The following FGF14 variants were observed in gnomAD, a reference collection of about 807,000 sequenced individuals.
FGF14 encodes the protein fibroblast growth factor 14, also known as fibroblast growth factor homologous factor 4.
Under a neutral mutation model 25.5 loss-of-function variants are expected in FGF14, and 5 were observed. The observed-to-expected ratio is 0.20, with a 90% CI of 0.10 to 0.41. The LOEUF is 0.41. Ranked by LOEUF, FGF14 falls within the 10% of genes least tolerant of loss-of-function variation. The pLI is 1.00. For synonymous variants in FGF14, 138 were observed against 118.3 expected, an observed-to-expected ratio of 1.17 and a Z score of -1.08; for missense variants, 222 against 320.1, an observed-to-expected ratio of 0.69 and a Z score of 2.34.
chr13:102,009,517 G>C (rs2039974301), intron 1 of FGF14, among the ~76,000 whole-genome samples: 1 of 151,828 alleles, frequency 6.6e-6, no homozygotes, highest in Non-Finnish European at 1.5e-5. Flanking sequence ...TATGATTTTG[G>C]AAATAAAAAG....
chr13:102,313,926 C>T (rs1032886588), intron 1 of FGF14, among the ~76,000 whole-genome samples: 3 of 152,212 alleles, frequency 2.0e-5, no homozygotes, highest in East Asian at 1.9e-4. Flanking sequence ...AACTACCAAA[C>T]GTGTTTTCCA....
intron 1 of FGF14, among the ~76,000 whole-genome samples, chr13:102,262,161 C>A (rs866338498): frequency 6.6e-6 from 1 of 152,068 alleles, no homozygotes; most frequent in Non-Finnish European, 1.5e-5. Flanking sequence ...AATACTTGTA[C>A]ATTTTTACTC....
intron 3 of FGF14, among the ~76,000 whole-genome samples, chr13:101,818,218 G>A (rs995436199): frequency 6.6e-6 from 1 of 152,110 alleles, no homozygotes; most frequent in African/African-American, 2.4e-5. Context: ...ATTCATTTTT[G>A]CTTCTCTTGT....
chr13:101,995,166 T>C (rs187310885), intron 1 of FGF14, among the ~76,000 whole-genome samples: 6 of 152,244 alleles, frequency 3.9e-5, no homozygotes, highest in Non-Finnish European at 8.8e-5. Context: ...TGAAGAGCAG[T>C]AATTTTCTAA....
intron 1 of FGF14, among the ~76,000 whole-genome samples, chr13:101,984,133 GTAAAGTAACTGC>G (rs547881547): frequency 5.5e-4 from 83 of 152,178 alleles, no homozygotes; most frequent in African/African-American, 1.9e-3. Flanking sequence ...GATGATGTAG[GTAAAGTAACTGC>G]TATGGAATAT....
chr13:101,867,298 A>T (rs1178726319), intron 3 of FGF14, among the ~76,000 whole-genome samples: 2 of 152,156 alleles, frequency 1.3e-5, no homozygotes, highest in Non-Finnish European at 2.9e-5. Flanking sequence ...AATGGCATAC[A>T]TTTACAACCA....
intron 1 of FGF14, among the ~76,000 whole-genome samples, chr13:101,913,494 A>G (rs2033161202): frequency 9.4e-6 from 1 of 106,262 alleles, no homozygotes; most frequent in Non-Finnish European, 1.7e-5. Context: ...ACTACTTAAT[A>G]AAGGATTTTT....
chr13:101,945,832 G>C (rs1020464173), intron 1 of FGF14, among the ~76,000 whole-genome samples: 1 of 152,122 alleles, frequency 6.6e-6, no homozygotes, highest in African/African-American at 2.4e-5. Flanking sequence ...TAACGCCCAC[G>C]GAGCATTATG....
chr13:102,279,152 A>G (rs1291130677), intron 1 of FGF14, among the ~76,000 whole-genome samples: 2 of 152,224 alleles, frequency 1.3e-5, no homozygotes, highest in South Asian at 4.1e-4. Flanking sequence ...ACATACAGCT[A>G]TATTTTCTTC....
chr13:102,122,605 T>C (rs574796147), intron 1 of FGF14, among the ~76,000 whole-genome samples: 35 of 152,368 alleles, frequency 2.3e-4, no homozygotes, highest in Non-Finnish European at 4.7e-4. Context: ...TTTACACTTC[T>C]GAAAATCAAA....
chr13:102,365,766 A>G (rs1429519378), intron 1 of FGF14, among the ~76,000 whole-genome samples: 1 of 152,052 alleles, frequency 6.6e-6, no homozygotes, highest in Non-Finnish European at 1.5e-5. Context: ...AGTTATAATT[A>G]TAGTTATATA....
chr13:102,049,368 C>T (rs1280432886), intron 1 of FGF14, among the ~76,000 whole-genome samples: 2 of 152,126 alleles, frequency 1.3e-5, no homozygotes, highest in Non-Finnish European at 2.9e-5. Context: ...CAGGACTGAG[C>T]ACCCAGTGTC....
chr13:101,805,207 A>G (rs1456124502), intron 3 of FGF14, among the ~76,000 whole-genome samples: 1 of 152,158 alleles, frequency 6.6e-6, no homozygotes, highest in Non-Finnish European at 1.5e-5. Flanking sequence ...CAGCTACAGT[A>G]AGTAAAAACA....
intron 1 of FGF14, among the ~76,000 whole-genome samples, chr13:102,231,773 T>C (rs889060982): frequency 3.3e-5 from 5 of 152,222 alleles, no homozygotes; most frequent in African/African-American, 1.2e-4. Flanking sequence ...CACCTCTTTC[T>C]GGCTGAAACA....
At chr13:101,962,757 T>C (rs2036943621) in intron 1 of FGF14, among the ~76,000 whole-genome samples, 1 of 152,236 alleles carries the variant, frequency 6.6e-6, no homozygotes, top group South Asian at 2.1e-4. Context: ...TTTTTATACA[T>C]GTATTGTTTG....
At chr13:101,837,077 G>C (rs1176044274) in intron 3 of FGF14, among the ~76,000 whole-genome samples, 1 of 151,920 alleles carries the variant, frequency 6.6e-6, no homozygotes, top group Admixed American at 6.6e-5. Flanking sequence ...ATCCTACTTA[G>C]GCATGTCGTG....
In FGF14 at chr13:102,029,208, A is replaced by C. The variant is rs114172560; in HGVS notation, c.209-153912T>G. On this transcript the variant is annotated intron_variant, in intron 1 of 4. Coordinates refer to the FGF14 transcript ENST00000376131. ...GTCTTTCTTCAAAGTCAAGTGCCAG[A>C]TCTACTTAGAGCAGACGTTCTTATG... 4.2e-3 allele frequency among the ~76,000 whole-genome samples: 636 copies of C among 152,178 alleles called. 6 individuals are homozygous for C. The highest frequency in any genetic ancestry group is 0.015 in the African/African-American group (607 of 41,544).
chr13:101,814,201 C>T (rs899197861), intron 3 of FGF14, among the ~76,000 whole-genome samples: 33 of 152,124 alleles, frequency 2.2e-4, no homozygotes, highest in African/African-American at 8.0e-4. Context: ...TCCCATCCCA[C>T]AACTACTGAA....
chr13:101,762,697 A>C (rs544329108), intron 3 of FGF14, among the ~76,000 whole-genome samples: 1 of 152,336 alleles, frequency 6.6e-6, no homozygotes, highest in African/African-American at 2.4e-5. Flanking sequence ...TTCAATCAAA[A>C]TAATTGTAAG....
Sources: gnomAD v4.1 joint callset for allele counts (sites outside exome capture counted in the v4.1 genomes callset) on GRCh38, gnomAD v4.1.1 for gene constraint, MANE v1.5 for transcripts, NCBI Gene and HGNC (gene_info 2026-07-23, HGNC 2026-07-21) for gene names.